The following TMEM117 variants were observed in gnomAD, a reference collection of about 807,000 sequenced individuals.
TMEM117 encodes the protein transmembrane protein 117.
Under a neutral mutation model 52.4 loss-of-function variants are expected in TMEM117, and 27 were observed. That is an observed-to-expected ratio of 0.51 (90% CI 0.38 to 0.71). The LOEUF (loss-of-function observed/expected upper bound fraction) is 0.71. Among genes scored for constraint, TMEM117 ranks in the 30% least tolerant of loss-of-function variants. The pLI, the probability that TMEM117 is intolerant of heterozygous loss-of-function variation, is 0.00. For missense variants in TMEM117, 556 were observed against 630.5 expected, an observed-to-expected ratio of 0.88 and a Z score of 1.26; for synonymous variants, 215 against 206.3, an observed-to-expected ratio of 1.04 and a Z score of -0.36.
intron 3 of TMEM117, among the ~76,000 whole-genome samples, chr12:43,945,001 C>T (rs1291809882): frequency 6.6e-6 from 1 of 151,832 alleles, no homozygotes; most frequent in Non-Finnish European, 1.5e-5. Flanking sequence ...GTCCCAGCTA[C>T]TTGGGAGGCT....
chr12:44,328,481 A>G (rs1037323373), intron 6 of TMEM117, among the ~76,000 whole-genome samples: 2 of 152,182 alleles, frequency 1.3e-5, no homozygotes, highest in Admixed American at 6.6e-5. Flanking sequence ...ACTCTACAAG[A>G]AAACTGCTAG....
intron 3 of TMEM117, among the ~76,000 whole-genome samples, chr12:44,118,448 G>C (rs1374034912): frequency 6.6e-6 from 1 of 152,122 alleles, no homozygotes; most frequent in Non-Finnish European, 1.5e-5. Flanking sequence ...GAGAAGCAAG[G>C]GTCAACTGCT....
intron 4 of TMEM117, among the ~76,000 whole-genome samples, chr12:44,184,109 G>C (rs985885291): frequency 2.6e-5 from 4 of 152,174 alleles, no homozygotes; most frequent in Non-Finnish European, 5.9e-5. Flanking sequence ...ACTTTGGGAG[G>C]CTGAGGCGGG....
chr12:44,097,395 G>T (rs922592624), intron 3 of TMEM117, among the ~76,000 whole-genome samples: 4 of 148,072 alleles, frequency 2.7e-5, no homozygotes, highest in Admixed American at 2.0e-4. Flanking sequence ...AAATCATGCT[G>T]CAATAAAGAG....
chr12:44,371,911 A>T (rs1951868675), intron 6 of TMEM117, among the ~76,000 whole-genome samples: 1 of 152,210 alleles, frequency 6.6e-6, no homozygotes. Context: ...ATAAGATTAG[A>T]TATATGTCAT....
chr12:44,319,541 G>A (rs894840218), intron 6 of TMEM117, among the ~76,000 whole-genome samples: 20 of 152,058 alleles, frequency 1.3e-4, no homozygotes, highest in African/African-American at 3.9e-4. Context: ...ATGGGTTCCC[G>A]TTTTCCCTTT....
chr12:44,077,159 C>A (rs948453667), intron 3 of TMEM117, among the ~76,000 whole-genome samples: 19 of 152,116 alleles, frequency 1.2e-4, no homozygotes, highest in Admixed American at 2.6e-4. Context: ...TCTTAACCTG[C>A]TGAAGGCAGT....
At chr12:44,060,297 C>G (rs1947119555) in intron 3 of TMEM117, among the ~76,000 whole-genome samples, 1 of 152,148 alleles carries the variant, frequency 6.6e-6, no homozygotes, top group Non-Finnish European at 1.5e-5. Flanking sequence ...ATAATCATTG[C>G]AAATTTTCTG....
At chr12:44,183,488 G>A (rs1251780086) in intron 4 of TMEM117, among the ~76,000 whole-genome samples, 1 of 152,144 alleles carries the variant, frequency 6.6e-6, no homozygotes, top group African/African-American at 2.4e-5. Flanking sequence ...CCTGGTTCCT[G>A]CACAATTATC....
At chr12:44,164,031 T>C (rs981070462) in intron 4 of TMEM117, among the ~76,000 whole-genome samples, 1 of 152,102 alleles carries the variant, frequency 6.6e-6, no homozygotes, top group African/African-American at 2.4e-5. Context: ...GGGGGCCTGG[T>C]GCAGGAGCTA....
chr12:43,857,037 G>A (rs1298323508), intron 2 of TMEM117, among the ~76,000 whole-genome samples: 2 of 152,132 alleles, frequency 1.3e-5, no homozygotes, highest in Non-Finnish European at 2.9e-5. Flanking sequence ...AGGAAAGCAA[G>A]GTAAGGCTGG....
intron 5 of TMEM117, among the ~76,000 whole-genome samples, chr12:44,240,512 C>T (rs771157731): frequency 1.3e-5 from 2 of 152,096 alleles, no homozygotes; most frequent in African/African-American, 2.4e-5. Flanking sequence ...CTATCCTCTC[C>T]TTATCTCCCA....
At chr12:44,357,752 G>A (rs576041255) in intron 6 of TMEM117, among the ~76,000 whole-genome samples, 1 of 152,230 alleles carries the variant, frequency 6.6e-6, no homozygotes, top group East Asian at 1.9e-4. Context: ...CCTGTGGAAA[G>A]TAGTTTGGAG....
At chr12:43,887,887 C>G (rs1944026049) in intron 2 of TMEM117, among the ~76,000 whole-genome samples, 2 of 152,138 alleles carry the variant, frequency 1.3e-5, no homozygotes, top group African/African-American at 4.8e-5. Context: ...GCAGGTGAGA[C>G]CATTTGTTTG....
intron 4 of TMEM117, among the ~76,000 whole-genome samples, chr12:44,161,990 C>T (rs147687744): frequency 6.6e-6 from 1 of 152,088 alleles, no homozygotes; most frequent in African/African-American, 2.4e-5. Context: ...CAATCAGATA[C>T]AGAAAATAAA....
chr12:43,990,755 G>A (rs1945924565), intron 3 of TMEM117, among the ~76,000 whole-genome samples: 1 of 152,108 alleles, frequency 6.6e-6, no homozygotes, highest in Non-Finnish European at 1.5e-5. Context: ...TACAGATGAA[G>A]CTGAGAGAGG....
intron 6 of TMEM117, among the ~76,000 whole-genome samples, chr12:44,374,348 A>T (rs1373044641): frequency 6.6e-6 from 1 of 152,242 alleles, no homozygotes; most frequent in Non-Finnish European, 1.5e-5. Flanking sequence ...GAAAGGATGG[A>T]TATGAAAGAC....
intron 3 of TMEM117, among the ~76,000 whole-genome samples, chr12:44,065,093 A>G (rs752730947): frequency 3.9e-5 from 6 of 152,212 alleles, no homozygotes; most frequent in Admixed American, 6.5e-5. Context: ...TGTAAGAATA[A>G]TAGTAAACTG....
At chr12:44,029,268 G>A (rs895926934) in intron 3 of TMEM117, among the ~76,000 whole-genome samples, 1 of 152,158 alleles carries the variant, frequency 6.6e-6, no homozygotes, top group African/African-American at 2.4e-5. Context: ...AGTCCTTCTC[G>A]TTTAAGTCCT....
Sources: gnomAD v4.1 joint callset for allele counts (sites outside exome capture counted in the v4.1 genomes callset) on GRCh38, gnomAD v4.1.1 for gene constraint, MANE v1.5 for transcripts, NCBI Gene and HGNC (gene_info 2026-07-23, HGNC 2026-07-21) for gene names.